IL19: variants seen among roughly 807,000 people sequenced by gnomAD.
The protein encoded by IL19 is interleukin-19.
A neutral mutation model predicts 19.5 loss-of-function variants in IL19; 15 were observed. The ratio of observed to expected loss-of-function variants is 0.77; its 90% confidence interval spans 0.52 to 1.19. The LOEUF (loss-of-function observed/expected upper bound fraction) is 1.19, where lower values mean the gene tolerates loss of function less well. Among genes scored for constraint, IL19 ranks in the 50% most tolerant of loss-of-function variants. The pLI is 0.00. For synonymous variants in IL19, 78 were observed against 78.3 expected (o/e 1.00, Z 0.02); for missense variants, 199 against 213.1 (o/e 0.93, Z 0.41).
intron 2 of IL19, among the ~76,000 whole-genome samples, chr1:206,813,174 T>C (rs1046050068): frequency 6.6e-6 from 1 of 152,228 alleles, no homozygotes; most frequent in Non-Finnish European, 1.5e-5. Flanking sequence ...TAGTCTGCTT[T>C]GTGATCCTAG....
At chr1:206,796,062 A>G (rs1299827394) in intron 1 of IL19, among the ~76,000 whole-genome samples, 1 of 151,966 alleles carries the variant, frequency 6.6e-6, no homozygotes. Context: ...AGCCGATGGT[A>G]TAGTTCGAAG....
chr1:206,781,357 G>A (rs1675122486), intron 1 of IL19, among the ~76,000 whole-genome samples: 2 of 139,482 alleles, frequency 1.4e-5, no homozygotes, highest in Non-Finnish European at 3.0e-5. Context: ...TGAGGCTGCA[G>A]TGAGCAGAGA....
At chr1:206,816,080 G>A (rs945853415) in intron 2 of IL19, among the ~76,000 whole-genome samples, 3 of 152,066 alleles carry the variant, frequency 2.0e-5, no homozygotes, top group South Asian at 2.1e-4. Context: ...CTAAAATTCT[G>A]TATCCAGTGA....
chr1:206,773,090 G>T (rs1325244513), intron 1 of IL19, among the ~76,000 whole-genome samples: 1 of 152,158 alleles, frequency 6.6e-6, no homozygotes, highest in Admixed American at 6.5e-5. Context: ...ATGTGTTCCA[G>T]GCTCCTTTAC....
intron 4 of IL19, among the ~76,000 whole-genome samples, chr1:206,837,489 A>G (rs2243171): frequency 0.85 from 128,688 of 152,012 alleles, 55,182 homozygotes; most frequent in Non-Finnish European, 0.91. Context: ...TGGGAGATGA[A>G]GTGAAAAAAT....
intron 6 of IL19, 117 bp downstream of exon 6, chr1:206,841,195 T>C: frequency 1.3e-6 from 1 of 766,500 alleles, no homozygotes; most frequent in African/African-American, 1.7e-5. Context: ...GCAGCCATTG[T>C]GGGCAGGCCT....
chr1:206,821,145 T>G (rs56261669), intron 2 of IL19, among the ~76,000 whole-genome samples: 2,877 of 152,360 alleles, frequency 0.019, 42 homozygotes, highest in Middle Eastern at 0.058. Context: ...GTTGTCATTT[T>G]GCATTCCCAG....
At chr1:206,815,762 A>G (rs1309706958) in intron 2 of IL19, among the ~76,000 whole-genome samples, 1 of 152,220 alleles carries the variant, frequency 6.6e-6, no homozygotes, top group Non-Finnish European at 1.5e-5. Flanking sequence ...GATAAAAATG[A>G]TAGCAAATTT....
At chr1:206,836,852 C>T (rs1422687270) in intron 3 of IL19, 46 bp downstream of exon 3, 1 of 1,610,822 alleles carries the variant, frequency 6.2e-7, no homozygotes. Flanking sequence ...AGTATCCCTC[C>T]CCTTACATCT....
intron 2 of IL19, chr1:206,833,668 G>A (rs1676685376): frequency 1.0e-6 from 1 of 985,376 alleles, no homozygotes; most frequent in Admixed American, 6.1e-5. Context: ...AGGATTTCAG[G>A]TCCTGGCTCT....
At chr1:206,832,094 C>A (rs1676624782) in intron 2 of IL19, among the ~76,000 whole-genome samples, 1 of 152,226 alleles carries the variant, frequency 6.6e-6, no homozygotes, top group African/African-American at 2.4e-5. Flanking sequence ...CTCCATCCCA[C>A]CCCTCTGGGG....
In IL19 at chr1:206,803,705, T is replaced by G. The variant is rs139187273; in HGVS notation, c.-3+4699T>G. 3.0e-3 allele frequency among the ~76,000 whole-genome samples: 452 copies of G among 152,302 alleles called. 4 individuals carry two copies. Among genetic ancestry groups the G allele is most frequent in the African/African-American group, 0.01 (430 of 41,552 alleles). ...ACTGCTGGAGGACATAGGAGTGATC[T>G]GCTTGCAATGAGGTTTTTCAACCAC... On this transcript the variant is annotated intron_variant, in intron 2 of 6. Coordinates refer to ENST00000659997, the MANE Select transcript of IL19 (RefSeq NM_153758.5).
intron 2 of IL19, among the ~76,000 whole-genome samples, chr1:206,835,863 C>T (rs962221832): frequency 6.6e-6 from 1 of 152,218 alleles, no homozygotes; most frequent in Admixed American, 6.5e-5. Flanking sequence ...TGGCACAATA[C>T]AAAGTGGTTA....
At chr1:206,772,569 C>G in intron 1 of IL19, 1 of 810,078 alleles carries the variant, frequency 1.2e-6, no homozygotes, top group East Asian at 2.6e-5. Flanking sequence ...AAGCCACAAT[C>G]AAGGTTTCCC....
At chr1:206,788,131 A>G (rs1232006485) in intron 1 of IL19, among the ~76,000 whole-genome samples, 1 of 152,066 alleles carries the variant, frequency 6.6e-6, no homozygotes, top group Admixed American at 6.5e-5. Flanking sequence ...GAGCAATCTT[A>G]TCTGTTGTGT....
chr1:206,833,512 A>G (rs993385508), intron 2 of IL19, among the ~76,000 whole-genome samples: 3 of 152,266 alleles, frequency 2.0e-5, no homozygotes, highest in African/African-American at 7.2e-5. Context: ...GTCCAAACCA[A>G]TTACCCCCTG....
intron 4 of IL19, among the ~76,000 whole-genome samples, chr1:206,838,451 T>A (rs1478031934): frequency 6.6e-6 from 1 of 152,208 alleles, no homozygotes; most frequent in African/African-American, 2.4e-5. Context: ...TTATTTGTGG[T>A]GAAGAGATGT....
chr1:206,810,810 G>A (rs1251279096), intron 2 of IL19, among the ~76,000 whole-genome samples: 2 of 152,224 alleles, frequency 1.3e-5, no homozygotes, highest in Non-Finnish European at 2.9e-5. Flanking sequence ...CAGGGGGACA[G>A]ATCCTTCATG....
chr1:206,817,908 C>A (rs4440852), intron 2 of IL19, among the ~76,000 whole-genome samples: 108,795 of 151,854 alleles, frequency 0.72, 39,826 homozygotes, highest in Non-Finnish European at 0.8. Context: ...AGATTGCAGG[C>A]GTGTGCCACC....
Sources: gnomAD v4.1 joint callset for allele counts (sites outside exome capture counted in the v4.1 genomes callset) on GRCh38, gnomAD v4.1.1 for gene constraint, MANE v1.5 for transcripts, NCBI Gene and HGNC (gene_info 2026-07-23, HGNC 2026-07-21) for gene names.